KLHDC4: variants seen among roughly 807,000 people sequenced by gnomAD.
KLHDC4 encodes kelch domain-containing protein 4.
KLHDC4 carries 90 observed loss-of-function variants against 62.4 expected under a neutral mutation model. That is an observed-to-expected ratio of 1.44 (90% CI 1.22 to 1.72). The LOEUF is 1.72. Among genes scored for constraint, KLHDC4 ranks in the 40% most tolerant of loss-of-function variants. The pLI is 0.00. For synonymous variants in KLHDC4, 386 were observed against 284.4 expected (o/e 1.36, Z -3.59); for missense variants, 1,025 against 699.7 (o/e 1.47, Z -5.25).
chr16:87,703,174 G>A (rs540207840), downstream of KLHDC4: 1 of 152,228 alleles, frequency 6.6e-6, no homozygotes, highest in African/African-American at 2.4e-5. Context: ...CCTGGTTTTC[G>A]AGCAGGAAAC....
At chr16:87,732,901 A>C (rs879582882) in intron 5 of KLHDC4, among the ~76,000 whole-genome samples, 64 of 121,024 alleles carry the variant, frequency 5.3e-4, no homozygotes, top group South Asian at 9.6e-4. Flanking sequence ...CAGCTTCTAT[A>C]GGTGAAAAGG....
intron 7 of KLHDC4, among the ~76,000 whole-genome samples, chr16:87,716,051 T>C (rs78018026): frequency 1.2e-3 from 189 of 152,266 alleles, no homozygotes; most frequent in Middle Eastern, 0.01. Context: ...CTATGTCTCG[T>C]AGATATTGAC....
chr16:87,765,958 A>T lies in KLHDC4; in HGVS notation c.-68T>A. Reference sequence around the variant, plus strand: ...CGGCCCGCGCTCTCCGCTCGGAAACAGGTGCTCGTGGGGCGGAGCTCGGCG... The same window carrying T: ...CGGCCCGCGCTCTCCGCTCGGAAACTGGTGCTCGTGGGGCGGAGCTCGGCG... On this transcript the variant is annotated 5_prime_UTR_variant, in exon 1 of 12. Transcript: ENST00000270583. 1 of 1,464,634 alleles carries T rather than the reference A, an allele frequency of 6.8e-7. No individual in the cohort carries two copies. The highest frequency in any genetic ancestry group is 9.3e-7 in the Non-Finnish European group (1 of 1,074,422). 90.7% of individuals were successfully genotyped at this position (1,464,634 alleles called of 1,614,324 possible).
At chr16:87,719,104 C>G (rs1014746410) in intron 7 of KLHDC4, among the ~76,000 whole-genome samples, 1 of 151,768 alleles carries the variant, frequency 6.6e-6, no homozygotes, top group Non-Finnish European at 1.5e-5. Flanking sequence ...GTGGTGGATG[C>G]CTCTGCCCGG....
chr16:87,702,378 C>G lies in KLHDC4; in HGVS notation c.137G>C (p.Arg46Thr), dbSNP rs1054196164. 3 of 427,442 alleles carry G rather than the reference C, an allele frequency of 7.0e-6. No homozygotes were observed. The Admixed American group carries it at 7.4e-5, about 11-fold the overall frequency. 26.5% of individuals were successfully genotyped at this position (427,442 alleles called of 1,614,324 possible). The change falls in exon 1 of 1, where the codon AGG becomes ACG. Residue 46 changes from arginine (R) to threonine (T), a missense_variant. Physicochemically the swap from Arg to Thr is moderately conservative, Grantham distance 71. Transcript: ENST00000446344. The stretch of plus-strand genomic sequence containing the variant: ...GGGTGCAGGGGCAGGGGGGCGGGCC[C>G]TGCAGGGCAGTGCCTGGCCCGTCCT...
At chr16:87,728,410 AT>A (rs996343909) in intron 6 of KLHDC4, among the ~76,000 whole-genome samples, 5 of 152,186 alleles carry the variant, frequency 3.3e-5, no homozygotes, top group African/African-American at 1.2e-4. Flanking sequence ...AATACAGAAT[AT>A]TTTCTCTATA....
chr16:87,720,589 T>G (rs555876010), intron 7 of KLHDC4, among the ~76,000 whole-genome samples: 1 of 152,320 alleles, frequency 6.6e-6, no homozygotes, highest in East Asian at 1.9e-4. Context: ...ACAGGAGGCA[T>G]CTCACGTTTT....
intron 7 of KLHDC4, among the ~76,000 whole-genome samples, chr16:87,718,476 T>A (rs2037525558): frequency 6.6e-6 from 1 of 150,874 alleles, no homozygotes; most frequent in African/African-American, 2.4e-5. Context: ...CCTGCCTGAT[T>A]CTCCTGCCTC....
chr16:87,712,052 C>T (rs569637052), intron 8 of KLHDC4, among the ~76,000 whole-genome samples: 13 of 151,578 alleles, frequency 8.6e-5, no homozygotes, highest in Admixed American at 2.0e-4. Flanking sequence ...ACCCTTCGCC[C>T]GGGGGCTGCA....
At chr16:87,726,719 G>A in intron 7 of KLHDC4, 46 bp downstream of exon 7, 1 of 1,347,538 alleles carries the variant, frequency 7.4e-7, no homozygotes, top group Non-Finnish European at 9.7e-7. Context: ...CGCCTCGCCT[G>A]TTTCCCGGTC....
At chr16:87,750,000 G>T (rs1174657338) in intron 4 of KLHDC4, among the ~76,000 whole-genome samples, 1 of 151,194 alleles carries the variant, frequency 6.6e-6, no homozygotes, top group African/African-American at 2.5e-5. Context: ...GGATGCTGAG[G>T]AGAGAGCAGA....
In KLHDC4 at chr16:87,755,217, G is replaced by T. The variant is rs749260723; in HGVS notation, c.346C>A (p.Pro116Thr). ...ACCTGGTGAGCACAGCGCCTCGGAGGTGGACTGGGGATGTCAACTTTGGTC... is the reference window on the plus strand; with the variant it reads ...ACCTGGTGAGCACAGCGCCTCGGAGTTGGACTGGGGATGTCAACTTTGGTC... Reference protein sequence around the residue: ...TWTKVDIPSPPPRRCAHQAVV... With the variant: ...TWTKVDIPSPTPRRCAHQAVV... The change falls in exon 4 of 12, where the codon CCT becomes ACT. Residue 116 changes from proline (P) to threonine (T), a missense_variant. By Grantham distance (38) the Pro-to-Thr change is conservative (BLOSUM62 -1). Coordinates refer to ENST00000270583, the MANE Select transcript of KLHDC4 (RefSeq NM_017566.4). 5 of 1,610,838 alleles carry T rather than the reference G, an allele frequency of 3.1e-6. 1 individual carries two copies. The South Asian group carries it at 4.4e-5, about 14-fold the overall frequency.
rs567819310 is a variant in KLHDC4 at position 87,736,132 on chromosome 16, A to T, written c.507-5488T>A. On this transcript the variant is annotated intron_variant, in intron 5 of 11. Transcript: ENST00000270583. Reference sequence around the variant, plus strand: ...CCTTGTCATTGTGCTGTCCGAGTGCACGCACACACTTCTGGAAGGCACAGC... The same window carrying T: ...CCTTGTCATTGTGCTGTCCGAGTGCTCGCACACACTTCTGGAAGGCACAGC... Among the ~76,000 whole-genome samples, 52 of 152,320 alleles carry T rather than the reference A, an allele frequency of 3.4e-4. No homozygotes were observed. The South Asian group carries it at 6.6e-3, about 19-fold the overall frequency.
chr16:87,718,560 G>A (rs1597451128), intron 7 of KLHDC4, among the ~76,000 whole-genome samples: 2 of 151,844 alleles, frequency 1.3e-5, no homozygotes, highest in Admixed American at 1.3e-4. Context: ...GCAGTGGCGT[G>A]ATCTCGGCTC....
At chr16:87,699,898 G>A (rs971886927) in exon 1 of KLHDC4, 1 of 152,270 alleles carries the variant, frequency 6.6e-6, no homozygotes. Flanking sequence ...CCCCCAAGGC[G>A]CTGCAGACCT....
chr16:87,711,527 T>C lies in KLHDC4; in HGVS notation c.836-84A>G, dbSNP rs1008363896. 126 of 1,213,668 alleles carry C rather than the reference T, an allele frequency of 1.0e-4. No homozygotes were observed. The Admixed American group carries it at 2.3e-3, about 22-fold the overall frequency. The allele number at this position is 1,213,668 out of a possible 1,614,324, so 75.2% of individuals were successfully genotyped here. A position where few individuals can be genotyped will look rare whatever the true frequency, so the allele number is the denominator to read the frequency against. ...CCCAGGACACGCTCAGGACCCCAGG[T>C]GCCCCCCAGAATGGGGTAAATGAAA... On this transcript the variant is annotated intron_variant, in intron 8 of 11. Coordinates refer to ENST00000270583, the MANE Select transcript of KLHDC4 (RefSeq NM_017566.4).
chr16:87,707,510 C>T (rs147467698), downstream of KLHDC4, among the ~76,000 whole-genome samples: 30 of 152,324 alleles, frequency 2.0e-4, no homozygotes, highest in African/African-American at 5.5e-4. Flanking sequence ...GAATGAGAAC[C>T]GGGAAGGTGT....
At chr16:87,710,388 C>G (rs139131461) in intron 9 of KLHDC4, 4 of 152,408 alleles carry the variant, frequency 2.6e-5, no homozygotes, top group South Asian at 4.1e-4. Context: ...AACCCAAAGT[C>G]AGCTTCACAT....
intron 6 of KLHDC4, among the ~76,000 whole-genome samples, chr16:87,727,372 G>A (rs1197722596): frequency 1.3e-5 from 2 of 152,200 alleles, no homozygotes; most frequent in Non-Finnish European, 2.9e-5. Context: ...CAACCGTAAG[G>A]GCAGCAGTGA....
Sources: allele counts gnomAD v4.1 joint callset (sites outside exome capture counted in the v4.1 genomes callset), GRCh38; gene constraint gnomAD v4.1.1; transcripts MANE v1.5; gene names NCBI Gene and HGNC (gene_info 2026-07-23, HGNC 2026-07-21).